Variants in IRAG2 observed in about 807,000 individuals in gnomAD.
The protein encoded by IRAG2 is lymphoid restricted membrane protein.
IRAG2 carries 45 observed loss-of-function variants against 69.9 expected under a neutral mutation model. The ratio of observed to expected loss-of-function variants is 0.64; its 90% CI spans 0.51 to 0.83. The LOEUF (loss-of-function observed/expected upper bound fraction) is 0.83, where lower values mean the gene tolerates loss of function less well. IRAG2 is among the 40% of genes least tolerant of loss of function. IRAG2 has a pLI of 0.00. For missense variants in IRAG2, 520 were observed against 587.0 expected (o/e 0.89, Z 1.18); for synonymous variants, 193 against 202.4 (o/e 0.95, Z 0.40).
intron 5 of IRAG2, among the ~76,000 whole-genome samples, chr12:25,016,632 G>T (rs1003496390): frequency 1.3e-5 from 2 of 152,018 alleles, no homozygotes; most frequent in African/African-American, 4.8e-5. Context: ...GCATGGTGGT[G>T]CATGCCTGTA....
intron 9 of IRAG2, chr12:25,026,932 T>C: frequency 1.4e-6 from 1 of 736,188 alleles, no homozygotes; most frequent in East Asian, 3.4e-5. Flanking sequence ...TTTATGAAAA[T>C]GTCTATGCCT....
At chr12:25,076,461 C>T in intron 6 of IRAG2, 1 of 982,946 alleles carries the variant, frequency 1.0e-6, no homozygotes, top group Non-Finnish European at 1.2e-6. Context: ...TGGAGGCAAA[C>T]TGTATTTTTA....
At chr12:25,089,100 T>C (rs1026662862) in intron 11 of IRAG2, among the ~76,000 whole-genome samples, 2 of 152,220 alleles carry the variant, frequency 1.3e-5, no homozygotes, top group Non-Finnish European at 2.9e-5. Context: ...CTTGGTAAAG[T>C]TGTCATAAAA....
intron 9 of IRAG2, among the ~76,000 whole-genome samples, chr12:25,029,240 C>T (rs1565529701): frequency 1.3e-5 from 2 of 152,184 alleles, no homozygotes; most frequent in Admixed American, 1.3e-4. Flanking sequence ...CCTTCTTAGA[C>T]ATTAAAATTA....
At chr12:25,036,450 G>A (rs545173685) in intron 14 of IRAG2, 1 of 394,032 alleles carries the variant, frequency 2.5e-6, no homozygotes, top group Non-Finnish European at 4.5e-6. Flanking sequence ...GAAAGTCACT[G>A]GGGGCATTAG....
At chr12:25,059,529 T>C (rs909086595) in intron 1 of IRAG2, among the ~76,000 whole-genome samples, 5 of 152,098 alleles carry the variant, frequency 3.3e-5, no homozygotes, top group Non-Finnish European at 7.3e-5. Flanking sequence ...TTTTTTTGTA[T>C]TTTTAGTAGA....
intron 14 of IRAG2, chr12:25,093,850 A>T (rs887610737): frequency 1.3e-5 from 2 of 153,344 alleles, no homozygotes; most frequent in African/African-American, 4.8e-5. Flanking sequence ...TGTTCTTTGA[A>T]TATCATGGAC....
At chr12:25,015,112 A>AAAAAAAAAAAAAAAT in intron 3 of IRAG2, 2 of 359,394 alleles carry the variant, frequency 5.6e-6, no homozygotes, top group Non-Finnish European at 7.6e-6. Flanking sequence ...AAAAAAAAAA[A>AAAAAAAAAAAAAAAT]GACAAAACTT....
intron 15 of IRAG2, 147 bp from the exon 16 acceptor site, chr12:25,101,030 CT>C: frequency 1.8e-6 from 1 of 555,294 alleles, no homozygotes. Context: ...CTGTTTGCCC[CT>C]GTAGATGCAT....
intron 6 of IRAG2, among the ~76,000 whole-genome samples, chr12:25,077,376 T>TATATATGATATATATATGAA (rs1555139258): frequency 7.6e-6 from 1 of 131,480 alleles, no homozygotes; most frequent in Non-Finnish European, 1.6e-5. Flanking sequence ...ATATGAAATA[T>TATATATGATATATATATGAA]ATATATGATA....
At chr12:25,023,837 A>G in intron 7 of IRAG2, 3 of 1,108,556 alleles carry the variant, frequency 2.7e-6, no homozygotes, top group Non-Finnish European at 3.4e-6. Context: ...AACATCTTAA[A>G]TATATTTTAA....
intron 10 of IRAG2, among the ~76,000 whole-genome samples, chr12:25,084,615 C>T (rs1454188786): frequency 6.6e-6 from 1 of 151,186 alleles, no homozygotes; most frequent in Non-Finnish European, 1.5e-5. Flanking sequence ...TCTAGTTAAG[C>T]ATTTGGTTGC....
intron 6 of IRAG2, among the ~76,000 whole-genome samples, chr12:25,073,189 C>T (rs1337815240): frequency 1.3e-5 from 2 of 152,178 alleles, no homozygotes; most frequent in Non-Finnish European, 2.9e-5. Context: ...ATTCTCTGTG[C>T]CCCACATTTC....
intron 9 of IRAG2, among the ~76,000 whole-genome samples, chr12:25,083,118 T>C (rs1388868572): frequency 2.6e-5 from 4 of 152,222 alleles, no homozygotes; most frequent in African/African-American, 9.7e-5. Context: ...CTTTCTATTA[T>C]TGTACCAGTC....
chr12:25,002,724 C>A (rs1276901135), upstream of IRAG2, among the ~76,000 whole-genome samples: 3 of 151,918 alleles, frequency 2.0e-5, no homozygotes, highest in African/African-American at 4.8e-5. Context: ...TCACTGCAAC[C>A]TCTGCCTCCA....
At chr12:25,068,097 T>C (rs1341127820) in intron 5 of IRAG2, among the ~76,000 whole-genome samples, 1 of 152,066 alleles carries the variant, frequency 6.6e-6, no homozygotes, top group Non-Finnish European at 1.5e-5. Flanking sequence ...CACCTCAGCC[T>C]CCCAAAGTGC....
At chr12:25,034,616 T>C (rs747932016) in intron 13 of IRAG2, among the ~76,000 whole-genome samples, 14 of 152,184 alleles carry the variant, frequency 9.2e-5, no homozygotes, top group Non-Finnish European at 1.6e-4. Flanking sequence ...TATTCTCCAG[T>C]TTTGTGCTTG....
At position 25,089,766 on chromosome 12, in the gene IRAG2, T is replaced by C. The variant is rs1565577761; in HGVS notation, c.441T>C (p.Thr147=). The C allele has an allele frequency of 6.2e-7, 1 of 1,613,400 alleles. No homozygotes were observed. The highest frequency in any genetic ancestry group is 2.2e-5 in the East Asian group (1 of 44,892). ...KSVNLRQSEN[T]SANEKEVEAE... is the part of the protein sequence containing the mutation. ...TGTTTTTTGTCTTATCCTACAGCACTTCTGCTAATGAGAAGGAGGTGGAGG... is the reference window on the plus strand; with the variant it reads ...TGTTTTTTGTCTTATCCTACAGCACCTCTGCTAATGAGAAGGAGGTGGAGG... The change falls in exon 13 of 22, where the codon ACT becomes ACC. Residue 147 remains threonine, a synonymous_variant. Coordinates refer to ENST00000556887, the MANE Select transcript of IRAG2 (RefSeq NM_001366544.2).
intron 14 of IRAG2, 114 bp downstream of exon 14, chr12:25,090,311 G>A: frequency 1.1e-6 from 1 of 944,150 alleles, no homozygotes; most frequent in Non-Finnish European, 1.6e-6. Context: ...GGAGACCAAG[G>A]CAGGAGGATC....
Sources: allele counts gnomAD v4.1 joint callset (sites outside exome capture counted in the v4.1 genomes callset), GRCh38; gene constraint gnomAD v4.1.1; transcripts MANE v1.5; gene names NCBI Gene and HGNC (gene_info 2026-07-23, HGNC 2026-07-21).